Variants in NTM observed in about 807,000 individuals in gnomAD.
The protein encoded by NTM is neurotrimin.
In NTM, 13 loss-of-function variants were observed where a neutral mutation model predicts 42.1. That is an observed-to-expected ratio of 0.31 (90% CI 0.20 to 0.49). The LOEUF is 0.49. Among genes scored for constraint, NTM ranks in the 20% least tolerant of loss-of-function variants. NTM has a pLI of 0.99. For missense variants in NTM, 373 were observed against 452.8 expected (o/e 0.82, Z 1.60); for synonymous variants, 187 against 179.2 (o/e 1.04, Z -0.35).
chr11:131,498,244 G>A (rs140059061), intron 1 of NTM, among the ~76,000 whole-genome samples: 98 of 152,234 alleles, frequency 6.4e-4, no homozygotes, highest in African/African-American at 2.2e-3. Context: ...GCTCTACCAC[G>A]TACTGGTAAT....
At chr11:131,669,198 G>A (rs1371534151) in intron 1 of NTM, among the ~76,000 whole-genome samples, 3 of 152,192 alleles carry the variant, frequency 2.0e-5, no homozygotes, top group Non-Finnish European at 4.4e-5. Context: ...GAGAGAGAGA[G>A]AGAGAGAACA....
At chr11:131,793,810 A>C (rs2091242423) in intron 1 of NTM, among the ~76,000 whole-genome samples, 1 of 152,136 alleles carries the variant, frequency 6.6e-6, no homozygotes, top group African/African-American at 2.4e-5. Context: ...CATGGATCTG[A>C]GCATCAGCAT....
chr11:132,122,974 T>G (rs1387558746), intron 2 of NTM, among the ~76,000 whole-genome samples: 5 of 152,180 alleles, frequency 3.3e-5, no homozygotes, highest in African/African-American at 9.7e-5. Flanking sequence ...ACTCTAGTTG[T>G]TCTCCTTCCT....
chr11:131,953,741 A>C (rs770622942), intron 2 of NTM, among the ~76,000 whole-genome samples: 9 of 151,948 alleles, frequency 5.9e-5, no homozygotes, highest in Non-Finnish European at 8.8e-5. Context: ...AATGAAAAAG[A>C]AGGAGTAAAG....
At chr11:131,415,887 G>A (rs1946894153) in intron 1 of NTM, among the ~76,000 whole-genome samples, 1 of 152,110 alleles carries the variant, frequency 6.6e-6, no homozygotes, top group South Asian at 2.1e-4. Context: ...TGTTTATTTT[G>A]GTAGTGGGCA....
chr11:132,289,790 G>A (rs529969546), intron 4 of NTM, among the ~76,000 whole-genome samples: 6 of 152,282 alleles, frequency 3.9e-5, no homozygotes, highest in African/African-American at 1.2e-4. Flanking sequence ...AGACTGCAGC[G>A]TCAGCACTGA....
At position 131,655,661 on chromosome 11, in the gene NTM, C is replaced by T. The variant is rs113436553; in HGVS notation, c.83-255903C>T. On this transcript the variant is annotated intron_variant, in intron 1 of 8. Coordinates refer to ENST00000683400, the MANE Select transcript of NTM (RefSeq NM_001352005.2). ...CCACTCAGAAGTGGTGGAGAAAGGA[C>T]GGTGGACTGGCAGGGAGGACAATTG... Among the ~76,000 whole-genome samples the T allele has an allele frequency of 5.5e-4, 84 of 152,280 alleles. 1 individual carries two copies. Among genetic ancestry groups the T allele is most frequent in the African/African-American group, 1.9e-3 (80 of 41,568 alleles).
rs529495341 is a variant in NTM, at chr11:131,513,465, A to G, written c.82+142577A>G. On this transcript the variant is annotated intron_variant, in intron 1 of 8. Transcript: ENST00000683400. ...AAAAAAAGTCCTTTGAAAACAAGTC[A>G]ATGTCAGCTCCTCCCTGAGCCTGTG... is the stretch of plus-strand genomic sequence containing the variant. 2.0e-5 allele frequency among the ~76,000 whole-genome samples: 3 copies of G among 152,240 alleles called. No homozygotes were observed. In the South Asian group the frequency reaches 6.2e-4, roughly 32 times the overall value.
chr11:131,533,599 C>T (rs1181296487), intron 1 of NTM, among the ~76,000 whole-genome samples: 1 of 152,178 alleles, frequency 6.6e-6, no homozygotes, highest in Non-Finnish European at 1.5e-5. Context: ...CTCACCTGCC[C>T]GTGTCATTGA....
intron 1 of NTM, among the ~76,000 whole-genome samples, chr11:131,557,598 A>T (rs899412715): frequency 1.3e-5 from 2 of 152,180 alleles, no homozygotes; most frequent in African/African-American, 4.8e-5. Flanking sequence ...ACATTTTTAA[A>T]TTAATATGAC....
chr11:131,565,371 C>T (rs61439417), intron 1 of NTM, among the ~76,000 whole-genome samples: 2,063 of 152,308 alleles, frequency 0.014, 50 homozygotes, highest in African/African-American at 0.046. Flanking sequence ...ATATTGTTGG[C>T]CCAGGTAGAG....
chr11:131,867,001 G>T (rs1309022031), intron 1 of NTM, among the ~76,000 whole-genome samples: 2 of 152,184 alleles, frequency 1.3e-5, no homozygotes, highest in African/African-American at 4.8e-5. Context: ...GGGAGGAGGT[G>T]GGGGAAGGGG....
chr11:131,817,523 TC>T (rs1181386673), intron 1 of NTM, among the ~76,000 whole-genome samples: 1 of 152,220 alleles, frequency 6.6e-6, no homozygotes, highest in Non-Finnish European at 1.5e-5. Context: ...GGGGCTCCTC[TC>T]CCAGCAGATT....
chr11:132,322,981 T>C (rs1308263329), intron 7 of NTM, among the ~76,000 whole-genome samples: 3,404 of 135,970 alleles, frequency 0.025, 106 homozygotes, highest in African/African-American at 0.087. Flanking sequence ...TTGAAACCAA[T>C]GAGAACAAAG....
At chr11:131,725,706 C>T (rs1015411159) in intron 1 of NTM, among the ~76,000 whole-genome samples, 1 of 152,188 alleles carries the variant, frequency 6.6e-6, no homozygotes, top group Non-Finnish European at 1.5e-5. Flanking sequence ...GCCTTGAAGG[C>T]TGTTACAAAT....
At chr11:131,870,885 C>T (rs1042761849) in intron 1 of NTM, among the ~76,000 whole-genome samples, 17 of 152,042 alleles carry the variant, frequency 1.1e-4, no homozygotes, top group Non-Finnish European at 1.5e-4. Context: ...GACTCAAATG[C>T]GTCTTTTAAA....
At chr11:132,020,631 G>GA (rs35160814) in intron 2 of NTM, among the ~76,000 whole-genome samples, 75,243 of 151,212 alleles carry the variant, frequency 0.5, 19,758 homozygotes, top group African/African-American at 0.67. Flanking sequence ...CCTCATATTT[G>GA]AAAAAAAAGG....
Position 131,600,251 on chromosome 11 carries a change from A to C in NTM, c.82+229363A>C, listed in dbSNP as rs953721799. Reference sequence around the variant, plus strand: ...GATTCATAAAGTGTCTGGGAAGCACATTCCTCATGCAGAAATGTTACGGAA... The same window carrying C: ...GATTCATAAAGTGTCTGGGAAGCACCTTCCTCATGCAGAAATGTTACGGAA... On this transcript the variant is annotated intron_variant, in intron 1 of 8. Transcript: ENST00000683400. Among the ~76,000 whole-genome samples, 4 of 152,366 alleles carry C rather than the reference A, an allele frequency of 2.6e-5. 1 individual carries two copies. The highest frequency in any genetic ancestry group is 7.2e-5 in the African/African-American group (3 of 41,592).
chr11:131,693,119 CTG>C (rs1404546451), intron 1 of NTM, among the ~76,000 whole-genome samples: 1 of 152,116 alleles, frequency 6.6e-6, no homozygotes, highest in Non-Finnish European at 1.5e-5. Flanking sequence ...CAGGGAATCA[CTG>C]TGTTCTGGGC....
Sources: gnomAD v4.1 joint callset for allele counts (sites outside exome capture counted in the v4.1 genomes callset) on GRCh38, gnomAD v4.1.1 for gene constraint, MANE v1.5 for transcripts, NCBI Gene and HGNC (gene_info 2026-07-23, HGNC 2026-07-21) for gene names.